The following KLHL29 variants were observed in gnomAD, a reference collection of about 807,000 sequenced individuals.
KLHL29 encodes the protein kelch-like protein 29.
KLHL29 carries 21 observed loss-of-function variants against 80.4 expected under a neutral mutation model. The observed-to-expected ratio is 0.26, with a 90% CI of 0.19 to 0.38. The LOEUF is 0.38. KLHL29 is among the 10% of genes least tolerant of loss of function. KLHL29 has a pLI of 1.00. For missense variants in KLHL29, 867 were observed against 1,223.9 expected (o/e 0.71, Z 4.35); for synonymous variants, 511 against 526.8 (o/e 0.97, Z 0.41).
rs949271912 is a variant in KLHL29, at chr2:23,457,408, T to G, written c.-153-18152T>G. ...ATTCTTTCCTTCATCTTCCTCTCCTTTGATTCTGATCCATTAAGTGGTTTT... is the reference window on the plus strand; with the variant it reads ...ATTCTTTCCTTCATCTTCCTCTCCTGTGATTCTGATCCATTAAGTGGTTTT... On this transcript the variant is annotated intron_variant, in intron 1 of 13. Transcript: ENST00000486442. This position sits in a 1 kb window ranked among gnomAD's most constrained non-coding sequence, Gnocchi z 4.3. Among the ~76,000 whole-genome samples, 1 of 152,194 alleles carries G rather than the reference T, an allele frequency of 6.6e-6. No individual in the cohort carries two copies. Among genetic ancestry groups the G allele is most frequent in the African/African-American group, 2.4e-5 (1 of 41,444 alleles).
At position 23,707,599 on chromosome 2, in the gene KLHL29, C is replaced by G. The variant is rs898574999; in HGVS notation, c.*935C>G. ...CCAGACAGCCCCATAAAAGCTGTGC[C>G]CAAGGAAGAAGAGTCTGCTCTAGAA... On this transcript the variant is annotated 3_prime_UTR_variant, in exon 14 of 14. Transcript: ENST00000486442. 2.0e-5 allele frequency: 3 copies of G among 152,252 alleles called. No homozygotes were observed. Among genetic ancestry groups the G allele is most frequent in the East Asian group, 1.9e-4 (1 of 5,160 alleles). The allele number at this position is 152,252 out of a possible 1,614,324, so 9.4% of individuals were successfully genotyped here. A position where few individuals can be genotyped will look rare whatever the true frequency, so the allele number is the denominator to read the frequency against.
chr2:23,421,891 G>A (rs1313109870), intron 1 of KLHL29, among the ~76,000 whole-genome samples: 4 of 151,914 alleles, frequency 2.6e-5, no homozygotes, highest in African/African-American at 9.7e-5. Context: ...GTGTATCTGT[G>A]TGTCTGTGTT....
At chr2:23,533,207 G>A (rs1666555049) in intron 2 of KLHL29, among the ~76,000 whole-genome samples, 2 of 152,196 alleles carry the variant, frequency 1.3e-5, no homozygotes, top group Non-Finnish European at 2.9e-5. Flanking sequence ...ATGCGTATGT[G>A]TGAGTGTGTG....
chr2:23,409,448 C>T (rs1348450679), intron 1 of KLHL29, among the ~76,000 whole-genome samples: 1 of 152,194 alleles, frequency 6.6e-6, no homozygotes, highest in African/African-American at 2.4e-5. Context: ...TGATGGTGTG[C>T]GTTTCCTCCG....
rs1295407872 is a variant in KLHL29, at chr2:23,645,568, G to A, written c.940+2718G>A. ...TGAGATCTAGCTCGTTAAAGTCCCC[G>A]ATATTCCCTGCTATTGTTTGACGTG... On this transcript the variant is annotated intron_variant, in intron 5 of 13. Coordinates refer to ENST00000486442, the MANE Select transcript of KLHL29 (RefSeq NM_052920.2). Among the ~76,000 whole-genome samples the A allele has an allele frequency of 2.0e-5, 3 of 152,136 alleles. No homozygotes were observed. In the East Asian group the frequency reaches 5.8e-4, roughly 29 times the overall value.
chr2:23,617,509 G>C (rs72780385), intron 3 of KLHL29: 2 of 152,236 alleles, frequency 1.3e-5, no homozygotes, highest in Non-Finnish European at 2.9e-5. Flanking sequence ...GGGATGTTGC[G>C]TTAATAGGGG....
Position 23,599,679 on chromosome 2 carries a change from T to C in KLHL29, c.285+37198T>C, listed in dbSNP as rs1395169634. Reference sequence around the variant, plus strand: ...GGAAAAGTCAGAACAAGAAGAATTATAAATGAAGATATTGGCACTCAATAG... The same window carrying C: ...GGAAAAGTCAGAACAAGAAGAATTACAAATGAAGATATTGGCACTCAATAG... On this transcript the variant is annotated intron_variant, in intron 3 of 13. Transcript: ENST00000486442. 4.6e-5 allele frequency among the ~76,000 whole-genome samples: 7 copies of C among 152,170 alleles called. 1 individual carries two copies. Among genetic ancestry groups the C allele is most frequent in the Admixed American group, 2.6e-4 (4 of 15,268 alleles).
chr2:23,389,426 T>C (rs553086735), intron 1 of KLHL29, among the ~76,000 whole-genome samples: 30 of 152,254 alleles, frequency 2.0e-4, no homozygotes, highest in Non-Finnish European at 3.7e-4. Context: ...GATGAAGAAA[T>C]GGAATTATAA....
chr2:23,393,596 C>T (rs912002035), intron 1 of KLHL29, among the ~76,000 whole-genome samples: 3 of 152,128 alleles, frequency 2.0e-5, no homozygotes, highest in Non-Finnish European at 4.4e-5. Context: ...TTGGGAAGGG[C>T]GATAACACTG....
intron 3 of KLHL29, among the ~76,000 whole-genome samples, chr2:23,579,467 G>C (rs1260183469): frequency 6.6e-6 from 1 of 152,100 alleles, no homozygotes; most frequent in Non-Finnish European, 1.5e-5. Context: ...TCAGGGCTCA[G>C]GTTTCCCGCC....
At chr2:23,550,467 T>G (rs1336122023) in intron 2 of KLHL29, among the ~76,000 whole-genome samples, 2 of 152,328 alleles carry the variant, frequency 1.3e-5, no homozygotes, top group Middle Eastern at 6.8e-3. Context: ...CTGAAGTGGC[T>G]GTCGGTTTTG....
intron 1 of KLHL29, among the ~76,000 whole-genome samples, chr2:23,456,351 C>A (rs1009372175): frequency 6.6e-6 from 1 of 152,232 alleles, no homozygotes; most frequent in Non-Finnish European, 1.5e-5. Context: ...CCACAGAACC[C>A]CCAGCATGCT....
chr2:23,463,071 GT>G (rs79285199), intron 1 of KLHL29, among the ~76,000 whole-genome samples: 14 of 147,534 alleles, frequency 9.5e-5, no homozygotes, highest in Non-Finnish European at 1.9e-4. Flanking sequence ...TGCCTCCCAT[GT>G]TTTTTTTTCA....
At chr2:23,441,566 A>G (rs756101352) in intron 1 of KLHL29, among the ~76,000 whole-genome samples, 53 of 152,304 alleles carry the variant, frequency 3.5e-4, no homozygotes, top group Admixed American at 9.8e-4. Context: ...TTTGCTCAGA[A>G]TTCTGCAGTT....
At chr2:23,691,220 G>A (rs1010031544) in intron 6 of KLHL29, 3 of 219,450 alleles carry the variant, frequency 1.4e-5, no homozygotes, top group Non-Finnish European at 1.8e-5. Context: ...GATATCTCTG[G>A]ATTGGCTGGC....
In KLHL29 at chr2:23,477,951, A is replaced by G. The variant is rs371744481; in HGVS notation, c.-46+2284A>G. Among the ~76,000 whole-genome samples the G allele has an allele frequency of 4.2e-4, 64 of 152,264 alleles. 3 individuals carry two copies. The highest frequency in any genetic ancestry group is 1.4e-3 in the African/African-American group (57 of 41,558). On this transcript the variant is annotated intron_variant, in intron 2 of 13. Coordinates refer to ENST00000486442, the MANE Select transcript of KLHL29 (RefSeq NM_052920.2). ...CCCTGCTGCTGATGCAGGGTGGCAC[A>G]TGGCTCTTGTTCTCTTGTTCGTCCT...
chr2:23,490,894 A>G (rs2103448065), intron 2 of KLHL29, among the ~76,000 whole-genome samples: 1 of 152,312 alleles, frequency 6.6e-6, no homozygotes, highest in Middle Eastern at 3.4e-3. Flanking sequence ...GTGGTCCAGG[A>G]GGCTGGGCTG....
intron 5 of KLHL29, among the ~76,000 whole-genome samples, chr2:23,645,218 A>G (rs767020422): frequency 6.6e-6 from 1 of 152,204 alleles, no homozygotes; most frequent in Non-Finnish European, 1.5e-5. Flanking sequence ...AAACAACTGC[A>G]TATTTTTTAA....
Position 23,397,301 on chromosome 2 carries a change from A to G in KLHL29, c.-154+11521A>G, listed in dbSNP as rs80350952. ...CCCCTCCCCACAGGCTCTCCCTCAC[A>G]TCACTGAGTGAGCAGGGCTTTTCAG... is the stretch of plus-strand genomic sequence containing the variant. On this transcript the variant is annotated intron_variant, in intron 1 of 13. Coordinates refer to ENST00000486442, the MANE Select transcript of KLHL29 (RefSeq NM_052920.2). Among the ~76,000 whole-genome samples, 990 of 152,334 alleles carry G rather than the reference A, an allele frequency of 6.5e-3. 11 individuals carry two copies. Among genetic ancestry groups the G allele is most frequent in the African/African-American group, 0.023 (951 of 41,576 alleles).
Sources: allele counts gnomAD v4.1 joint callset (sites outside exome capture counted in the v4.1 genomes callset), GRCh38; gene constraint gnomAD v4.1.1; non-coding constraint Gnocchi (gnomAD v3.1); transcripts MANE v1.5; gene names NCBI Gene and HGNC (gene_info 2026-07-23, HGNC 2026-07-21).